ZNF384: variants seen among roughly 807,000 people sequenced by gnomAD.
ZNF384 encodes the protein zinc finger protein 384.
Under a neutral mutation model 65.0 loss-of-function variants are expected in ZNF384, and 20 were observed. That is an observed-to-expected ratio of 0.31 (90% CI 0.22 to 0.45). The LOEUF is 0.45. ZNF384 is among the 20% of genes least tolerant of loss of function. The pLI, the probability that ZNF384 is intolerant of heterozygous loss-of-function variation, is 1.00. For missense variants in ZNF384, 549 were observed against 769.4 expected (o/e 0.71, Z 3.39); for synonymous variants, 310 against 303.9 (o/e 1.02, Z -0.21).
rs1592394421 is a variant in ZNF384 at position 6,678,637 on chromosome 12, A to C, written c.352+26T>G. ...TAATGGTCTCCTAACCCTTGTCCCC[A>C]CCCCCCTGGTAACAGTGAGATTTAC... On this transcript the variant is annotated intron_variant, in intron 5 of 11. Transcript: ENST00000683879. The surrounding 1 kb of genome is among the most constrained non-coding windows in gnomAD (Gnocchi z 4.9). 4 of 1,601,894 alleles carry C rather than the reference A, an allele frequency of 2.5e-6. No individual in the cohort carries two copies. Among genetic ancestry groups the C allele is most frequent in the Admixed American group, 1.7e-5 (1 of 58,476 alleles).
intron 3 of ZNF384, 70 bp downstream of exon 3, chr12:6,679,385 A>T (rs564867158): frequency 6.9e-7 from 1 of 1,445,886 alleles, no homozygotes; most frequent in Non-Finnish European, 9.7e-7. Flanking sequence ...CATGTGGTGT[A>T]CCTTCAGTCT....
chr12:6,667,346 T>A lies in ZNF384; in HGVS notation c.*368A>T, dbSNP rs1950001090. On this transcript the variant is annotated 3_prime_UTR_variant, in exon 12 of 12. Coordinates refer to ENST00000683879, the MANE Select transcript of ZNF384 (RefSeq NM_001385745.1). ...GGGAGGGCCAGCCTCTAGTCTTACA[T>A]CAGCCCAAACTTTGAGGATAAGGAG... 1 of 428,284 alleles carries A rather than the reference T, an allele frequency of 2.3e-6. No individual in the cohort carries two copies. The highest frequency in any genetic ancestry group is 4.4e-6 in the Non-Finnish European group (1 of 228,620). The allele number at this position is 428,284 out of a possible 1,614,324, so 26.5% of individuals were successfully genotyped here.
chr12:6,675,228 T>C (rs1439819679), intron 7 of ZNF384, among the ~76,000 whole-genome samples: 3 of 152,354 alleles, frequency 2.0e-5, no homozygotes, highest in East Asian at 1.9e-4. Context: ...ATGACCACAA[T>C]GATAATAGTT....
In ZNF384 at chr12:6,666,681, CAG is replaced by C. The variant is rs758742005; in HGVS notation, c.*1031_*1032del. 1.9e-5 allele frequency: 3 copies of C among 156,300 alleles called. No individual in the cohort carries two copies. The highest frequency in any genetic ancestry group is 2.2e-4 in the South Asian group (1 of 4,446). 9.7% of individuals were successfully genotyped at this position (156,300 alleles called of 1,614,324 possible). On this transcript the variant is annotated 3_prime_UTR_variant, in exon 12 of 12. Coordinates refer to ENST00000683879, the MANE Select transcript of ZNF384 (RefSeq NM_001385745.1). ...AAAGAAAAATGCTGTGGCTAGAGGA[CAG>C]GGGTGGAGAGAGGGAAAAAAAGGAC... is the stretch of plus-strand genomic sequence containing the variant.
At chr12:6,670,243 A>G (rs1452048635) in intron 10 of ZNF384, among the ~76,000 whole-genome samples, 2 of 152,084 alleles carry the variant, frequency 1.3e-5, no homozygotes, top group Non-Finnish European at 2.9e-5. Flanking sequence ...AGCCTAGGGA[A>G]GATAGCAAGA....
At position 6,666,649 on chromosome 12, in the gene ZNF384, A is replaced by G; in HGVS notation, c.*1065T>C. The G allele has an allele frequency of 6.0e-6, 1 of 166,156 alleles. No homozygotes were observed. The highest frequency in any genetic ancestry group is 1.3e-5 in the Non-Finnish European group (1 of 76,398). 10.3% of individuals were successfully genotyped at this position (166,156 alleles called of 1,614,324 possible). On this transcript the variant is annotated 3_prime_UTR_variant, in exon 12 of 12. Transcript: ENST00000683879. The stretch of plus-strand genomic sequence containing the variant: ...TGCCATGATTTAAAAAAAAAAAAAA[A>G]AGACAAAAAGAAAAATGCTGTGGCT...
chr12:6,685,323 A>AAAAAGAAC (rs1957498867), intron 2 of ZNF384, among the ~76,000 whole-genome samples: 1 of 12,966 alleles, frequency 7.7e-5, no homozygotes, highest in African/African-American at 5.8e-4. Context: ...ACCCTGTCTC[A>AAAAAGAAC]AAAAGAAAAA....
At chr12:6,669,330 G>A in intron 10 of ZNF384, 141 bp from the exon 11 acceptor site, 2 of 859,676 alleles carry the variant, frequency 2.3e-6, no homozygotes, top group Non-Finnish European at 3.5e-6. Context: ...TGTTTCAAAT[G>A]AAACTTGAGA....
upstream of ZNF384, chr12:6,689,517 G>GGGGGGGCGCTAATGGAGAAA (rs1373870302): frequency 3.9e-5 from 6 of 152,334 alleles, no homozygotes; most frequent in African/African-American, 1.4e-4. Context: ...TAGCAATGTA[G>GGGGGGGCGCTAATGGAGAAA]GGGGGGCGCT....
chr12:6,684,117 C>T (rs541292995), intron 2 of ZNF384, among the ~76,000 whole-genome samples: 2 of 152,264 alleles, frequency 1.3e-5, no homozygotes, highest in African/African-American at 2.4e-5. Flanking sequence ...TTTACAACTA[C>T]TACATCATTT....
chr12:6,686,699 T>C (rs1356437255), intron 2 of ZNF384, among the ~76,000 whole-genome samples: 2 of 152,168 alleles, frequency 1.3e-5, no homozygotes, highest in African/African-American at 4.8e-5. Flanking sequence ...GTAAGGCATA[T>C]GGTGATGAGA....
chr12:6,681,490 G>A (rs371306627), intron 2 of ZNF384, among the ~76,000 whole-genome samples: 1 of 152,266 alleles, frequency 6.6e-6, no homozygotes, highest in East Asian at 1.9e-4. Context: ...TAAATACACA[G>A]TATTACCAGG....
rs936353804 is a variant in ZNF384, at chr12:6,673,740, A to G, written c.780-300T>C. 6.6e-6 allele frequency among the ~76,000 whole-genome samples: 1 copy of G among 152,230 alleles called. No homozygotes were observed. The highest frequency in any genetic ancestry group is 2.4e-5 in the African/African-American group (1 of 41,458). On this transcript the variant is annotated intron_variant, in intron 7 of 11. Transcript: ENST00000683879. The surrounding 1 kb of genome is among the most constrained non-coding windows in gnomAD (Gnocchi z 4.7). ...AGATGCGAATTTCAATGGGCCAGGA[A>G]TATCAGTTAACTTGTTTGCCTTCTG...
At chr12:6,674,980 C>T (rs1370038497) in intron 7 of ZNF384, among the ~76,000 whole-genome samples, 1 of 152,168 alleles carries the variant, frequency 6.6e-6, no homozygotes, top group Non-Finnish European at 1.5e-5. Flanking sequence ...TCCCTTGATG[C>T]TACAATTTCT....
chr12:6,671,969 C>T lies in ZNF384; in HGVS notation c.1187+381G>A. ...CTGTTCATAATTGGTGCCCTAAGGG[C>T]TAGAGGTATGGTCTTCTCCACTCAA... On this transcript the variant is annotated intron_variant, in intron 9 of 11. Transcript: ENST00000683879. 3 of 188,386 alleles carry T rather than the reference C, an allele frequency of 1.6e-5. No homozygotes were observed. In the South Asian group the frequency reaches 3.2e-4, roughly 20 times the overall value. 11.7% of individuals were successfully genotyped at this position (188,386 alleles called of 1,614,324 possible). A position where few individuals can be genotyped will look rare whatever the true frequency, so the allele number is the denominator to read the frequency against.
Position 6,689,213 on chromosome 12 carries a change from G to A in ZNF384, c.-181C>T, listed in dbSNP as rs910170363. On this transcript the variant is annotated 5_prime_UTR_variant, in exon 1 of 12. Transcript: ENST00000683879. ...GGAGGACCAGGAAGGGGCGAGGGAG[G>A]GGAAAAAGCGCAAGGCGCAGCGCGC... The A allele has an allele frequency of 3.9e-5, 6 of 152,964 alleles. No individual in the cohort carries two copies. Among genetic ancestry groups the A allele is most frequent in the Non-Finnish European group, 5.9e-5 (4 of 68,368 alleles). The allele number at this position is 152,964 out of a possible 1,614,324, so 9.5% of individuals were successfully genotyped here.
rs561601198 is a variant in ZNF384, at chr12:6,667,827, G to A, written c.1714C>T (p.Pro572Ser). 1.2e-6 allele frequency: 2 copies of A among 1,614,222 alleles called. No homozygotes were observed. Among genetic ancestry groups the A allele is most frequent in the Admixed American group, 1.7e-5 (1 of 60,032 alleles). The change falls in exon 12 of 12, where the codon CCA becomes TCA. Residue 572 changes from proline (P) to serine (S), a missense_variant. Physicochemically the swap from Pro to Ser is moderately conservative, Grantham distance 74 (BLOSUM62 -1). This residue lies in a region of ZNF384 where 136 missense variants were observed against 183.0 expected (regional missense o/e 0.74). Coordinates refer to ENST00000683879, the MANE Select transcript of ZNF384 (RefSeq NM_001385745.1). ...GGGGDSNPNP[P>S]PQCSFDLTPY... ...GTCAGGTCAAAGGAACACTGGGGTG[G>A]AGGGTTGGGATTGCTGTCCCCACCA...
Position 6,673,508 on chromosome 12 carries a change from A to G in ZNF384, c.780-68T>C, listed in dbSNP as rs1952327134. On this transcript the variant is annotated intron_variant, in intron 7 of 11. Transcript: ENST00000683879. This position sits in a 1 kb window ranked among gnomAD's most constrained non-coding sequence, Gnocchi z 4.7. ...AAGGTGTGGCTGAACCCTCCCCTCT[A>G]CTTCCAAGAGAAGCCCACCTATCTG... 4.2e-6 allele frequency: 6 copies of G among 1,432,274 alleles called. No individual in the cohort carries two copies. The highest frequency in any genetic ancestry group is 2.0e-5 in the Admixed American group (1 of 50,850). 88.7% of individuals were successfully genotyped at this position (1,432,274 alleles called of 1,614,324 possible). A position where few individuals can be genotyped will look rare whatever the true frequency, so the allele number is the denominator to read the frequency against.
chr12:6,667,398 T>G lies in ZNF384; in HGVS notation c.*316A>C, dbSNP rs1391705604. 1 of 498,374 alleles carries G rather than the reference T, an allele frequency of 2.0e-6. No individual in the cohort carries two copies. Among genetic ancestry groups the G allele is most frequent in the East Asian group, 3.6e-5 (1 of 27,930 alleles). The allele number at this position is 498,374 out of a possible 1,614,324, so 30.9% of individuals were successfully genotyped here. On this transcript the variant is annotated 3_prime_UTR_variant, in exon 12 of 12. Coordinates refer to ENST00000683879, the MANE Select transcript of ZNF384 (RefSeq NM_001385745.1). ...GTAAGGATAGGGTAAGTGGCCACAC[T>G]GGACAAGGTTCTATGAGGTCATAGC...
Sources: allele counts gnomAD v4.1 joint callset (sites outside exome capture counted in the v4.1 genomes callset), GRCh38; gene constraint gnomAD v4.1.1; regional missense constraint gnomAD v4.1.1; non-coding constraint Gnocchi (gnomAD v3.1); transcripts MANE v1.5; gene names NCBI Gene and HGNC (gene_info 2026-07-23, HGNC 2026-07-21).